Variants in PRDM5 observed in about 807,000 individuals in gnomAD.
PRDM5 encodes the protein PR/SET domain 5, also known as PR domain zinc finger protein 5.
A neutral mutation model predicts 81.2 loss-of-function variants in PRDM5; 56 were observed. The ratio of observed to expected loss-of-function variants is 0.69; its 90% CI spans 0.56 to 0.86. The LOEUF (loss-of-function observed/expected upper bound fraction) is 0.86, where lower values mean the gene tolerates loss of function less well. Among genes scored for constraint, PRDM5 ranks in the 40% least tolerant of loss-of-function variants. The probability of loss-of-function intolerance (pLI) is 0.00; values close to 1 mark genes in which losing one functional copy is unlikely to be tolerated. For missense variants in PRDM5, 697 were observed against 770.1 expected (o/e 0.91, Z 1.12); for synonymous variants, 267 against 256.4 (o/e 1.04, Z -0.39).
intron 15 of PRDM5, among the ~76,000 whole-genome samples, chr4:120,701,499 A>C (rs961534217): frequency 6.6e-6 from 1 of 152,232 alleles, no homozygotes; most frequent in South Asian, 2.1e-4. Flanking sequence ...CTATGCAGCT[A>C]TAAAAAAAGA....
intron 14 of PRDM5, among the ~76,000 whole-genome samples, chr4:120,743,535 A>T (rs1742445454): frequency 7.4e-6 from 1 of 135,704 alleles, no homozygotes; most frequent in South Asian, 2.7e-4. Flanking sequence ...CAGGAAACCC[A>T]TCTCACGTGC....
chr4:120,813,378 A>T (rs541805612), intron 7 of PRDM5, among the ~76,000 whole-genome samples: 1 of 152,300 alleles, frequency 6.6e-6, no homozygotes, highest in South Asian at 2.1e-4. Flanking sequence ...CACCATGACC[A>T]TTCCTGCCTC....
chr4:120,833,253 G>T (rs755249006), intron 3 of PRDM5, among the ~76,000 whole-genome samples: 40 of 152,228 alleles, frequency 2.6e-4, no homozygotes, highest in Non-Finnish European at 5.3e-4. Context: ...ATCTAATGCT[G>T]CCCTGCTTCA....
chr4:120,830,255 A>G (rs1000346635), intron 3 of PRDM5, among the ~76,000 whole-genome samples: 1 of 152,072 alleles, frequency 6.6e-6, no homozygotes, highest in Non-Finnish European at 1.5e-5. Context: ...GGTATACCTT[A>G]TGAGTTTGGC....
chr4:120,899,158 T>C (rs1393857503), intron 2 of PRDM5, among the ~76,000 whole-genome samples: 4 of 152,154 alleles, frequency 2.6e-5, no homozygotes, highest in South Asian at 4.1e-4. Context: ...CTGATAGTCA[T>C]TGGGTCTGAT....
At chr4:120,773,244 T>A (rs1747556208) in intron 13 of PRDM5, among the ~76,000 whole-genome samples, 1 of 152,082 alleles carries the variant, frequency 6.6e-6, no homozygotes, top group South Asian at 2.1e-4. Flanking sequence ...TGAACATTTG[T>A]TCTTTGCATA....
At chr4:120,849,111 T>A (rs181338497) in intron 3 of PRDM5, among the ~76,000 whole-genome samples, 5 of 152,288 alleles carry the variant, frequency 3.3e-5, no homozygotes, top group African/African-American at 9.6e-5. Context: ...TTTATTTTTG[T>A]TGGTTGCTTA....
At chr4:120,777,368 A>G (rs989244092) in intron 12 of PRDM5, 87 bp from the exon 13 acceptor site, 7 of 1,574,578 alleles carry the variant, frequency 4.4e-6, no homozygotes, top group Non-Finnish European at 5.2e-6. Flanking sequence ...GTAAATCCTT[A>G]TTTTGTAGGA....
intron 15 of PRDM5, among the ~76,000 whole-genome samples, chr4:120,702,833 C>T (rs1485710330): frequency 6.6e-6 from 1 of 152,210 alleles, no homozygotes; most frequent in Non-Finnish European, 1.5e-5. Flanking sequence ...CTTCTCCAAA[C>T]CCAATGTCAC....
At chr4:120,705,020 G>A (rs543902552) in intron 15 of PRDM5, among the ~76,000 whole-genome samples, 4 of 152,260 alleles carry the variant, frequency 2.6e-5, no homozygotes, top group South Asian at 2.1e-4. Flanking sequence ...GAAAGTGGAC[G>A]TATGTTTTGT....
intron 2 of PRDM5, among the ~76,000 whole-genome samples, chr4:120,871,842 A>G (rs1761833834): frequency 1.3e-5 from 2 of 151,952 alleles, no homozygotes; most frequent in Non-Finnish European, 2.9e-5. Flanking sequence ...AGGATTGTAA[A>G]ATAGTGCAAC....
At chr4:120,897,420 C>G (rs1204323810) in intron 2 of PRDM5, among the ~76,000 whole-genome samples, 1 of 151,924 alleles carries the variant, frequency 6.6e-6, no homozygotes, top group Non-Finnish European at 1.5e-5. Flanking sequence ...AGTAGTTTTA[C>G]TAAGATATCT....
At chr4:120,720,484 G>A (rs1578470083) in intron 14 of PRDM5, among the ~76,000 whole-genome samples, 1 of 152,168 alleles carries the variant, frequency 6.6e-6, no homozygotes, top group East Asian at 1.9e-4. Flanking sequence ...TTGCAAGTGT[G>A]GCCCCATGGG....
At chr4:120,688,445 T>C (rs963524822), downstream of PRDM5, among the ~76,000 whole-genome samples, 2 of 152,198 alleles carry the variant, frequency 1.3e-5, no homozygotes, top group Admixed American at 6.6e-5. Context: ...CTCACTCTGA[T>C]TATTTCATTT....
intron 2 of PRDM5, among the ~76,000 whole-genome samples, chr4:120,864,159 C>T (rs17351666): frequency 0.02 from 3,070 of 152,162 alleles, 50 homozygotes; most frequent in Non-Finnish European, 0.029. Flanking sequence ...GATGGGTGAC[C>T]AACAACCCTA....
intron 14 of PRDM5, among the ~76,000 whole-genome samples, chr4:120,716,128 C>A (rs1488995583): frequency 1.3e-5 from 2 of 152,188 alleles, no homozygotes; most frequent in African/African-American, 4.8e-5. Context: ...TATACTTACA[C>A]ACACACATTA....
At chr4:120,850,586 G>A (rs1376640185) in intron 3 of PRDM5, among the ~76,000 whole-genome samples, 1 of 152,118 alleles carries the variant, frequency 6.6e-6, no homozygotes, top group African/African-American at 2.4e-5. Context: ...GTGCAAAACA[G>A]TGTTAAAAGA....
At chr4:120,704,945 A>G (rs1322836358) in intron 15 of PRDM5, among the ~76,000 whole-genome samples, 1 of 152,220 alleles carries the variant, frequency 6.6e-6, no homozygotes, top group Non-Finnish European at 1.5e-5. Context: ...CTAGAGAAAT[A>G]AATTGAAAAT....
At chr4:120,843,432 G>T (rs1195534001) in intron 3 of PRDM5, among the ~76,000 whole-genome samples, 4 of 151,946 alleles carry the variant, frequency 2.6e-5, no homozygotes, top group African/African-American at 9.7e-5. Flanking sequence ...GCCAGGCATG[G>T]TGGCTAATGC....
Sources: allele counts gnomAD v4.1 joint callset (sites outside exome capture counted in the v4.1 genomes callset), GRCh38; gene constraint gnomAD v4.1.1; transcripts MANE v1.5; gene names NCBI Gene and HGNC (gene_info 2026-07-23, HGNC 2026-07-21).